Variants in GABRA2 observed in about 807,000 individuals in gnomAD.
The protein encoded by GABRA2 is gamma-aminobutyric acid type A receptor subunit alpha2, also known as gamma-aminobutyric acid receptor subunit alpha-2.
In GABRA2, 16 loss-of-function variants were observed where a neutral mutation model predicts 48.7. The ratio of observed to expected loss-of-function variants is 0.33; its 90% CI spans 0.22 to 0.50. The LOEUF (loss-of-function observed/expected upper bound fraction) is 0.50, where lower values mean the gene tolerates loss of function less well. GABRA2 is among the 20% of genes least tolerant of loss of function. The pLI is 0.98. For missense variants in GABRA2, 275 were observed against 535.6 expected (o/e 0.51, Z 4.80); for synonymous variants, 185 against 184.5 (o/e 1.00, Z -0.02).
At chr4:46,296,953 T>C (rs765326706) in intron 8 of GABRA2, among the ~76,000 whole-genome samples, 16 of 152,210 alleles carry the variant, frequency 1.1e-4, no homozygotes, top group Non-Finnish European at 7.3e-5. Context: ...GGTTGGGGAT[T>C]GGTGCATTTC....
chr4:46,375,902 A>G (rs1047356822), intron 3 of GABRA2, among the ~76,000 whole-genome samples: 1 of 152,242 alleles, frequency 6.6e-6, no homozygotes, highest in African/African-American at 2.4e-5. Context: ...TGAATGAGCT[A>G]TACTTACAGC....
chr4:46,251,606 G>T (rs1013063028), intron 9 of GABRA2, among the ~76,000 whole-genome samples: 1 of 151,110 alleles, frequency 6.6e-6, no homozygotes, highest in African/African-American at 2.4e-5. Flanking sequence ...TTTTGGTCTT[G>T]GTTTAAATGC....
intron 4 of GABRA2, among the ~76,000 whole-genome samples, chr4:46,327,612 A>G (rs111987414): frequency 1.2e-4 from 19 of 152,054 alleles, no homozygotes; most frequent in Non-Finnish European, 8.8e-5. Flanking sequence ...GATTAAGTTC[A>G]GTGTCAATTT....
At chr4:46,328,786 C>T (rs1393534623) in intron 4 of GABRA2, among the ~76,000 whole-genome samples, 2 of 152,038 alleles carry the variant, frequency 1.3e-5, no homozygotes, top group Non-Finnish European at 2.9e-5. Context: ...GTCACAGCCA[C>T]GTCTCATTGC....
intron 4 of GABRA2, among the ~76,000 whole-genome samples, chr4:46,328,414 G>A (rs1386495335): frequency 6.6e-6 from 1 of 150,872 alleles, no homozygotes; most frequent in Non-Finnish European, 1.5e-5. Context: ...ACCTGAATAA[G>A]AGAAATTAGG....
At chr4:46,329,234 G>A (rs961156203) in intron 4 of GABRA2, among the ~76,000 whole-genome samples, 2 of 151,934 alleles carry the variant, frequency 1.3e-5, no homozygotes, top group Non-Finnish European at 2.9e-5. Context: ...TGTGATACCT[G>A]ATGGATCCTA....
intron 9 of GABRA2, among the ~76,000 whole-genome samples, chr4:46,251,794 G>T (rs1714817483): frequency 6.6e-6 from 1 of 151,436 alleles, no homozygotes. Context: ...GAAGGCTGGT[G>T]CTGCTTCTGT....
chr4:46,330,050 C>T (rs890985871), intron 4 of GABRA2, among the ~76,000 whole-genome samples: 1 of 152,062 alleles, frequency 6.6e-6, no homozygotes, highest in Non-Finnish European at 1.5e-5. Context: ...TACATACTCA[C>T]TCACACGCAT....
At chr4:46,386,668 T>C (rs1717503671) in intron 2 of GABRA2, 1 of 154,008 alleles carries the variant, frequency 6.5e-6, no homozygotes, top group African/African-American at 2.4e-5. Flanking sequence ...TTCTTTTTCA[T>C]ATGTATTTTT....
rs969900126 is a variant in GABRA2 at position 46,246,136 on chromosome 4, G to A, written c.*4172C>T. ...GAATAACGACTCTTAAAATATTTGTGTGTCTACATATGTATAATTTATCTA... is the reference window on the plus strand; with the variant it reads ...GAATAACGACTCTTAAAATATTTGTATGTCTACATATGTATAATTTATCTA... On this transcript the variant is annotated 3_prime_UTR_variant, in exon 10 of 10. Coordinates refer to ENST00000381620, the MANE Select transcript of GABRA2 (RefSeq NM_000807.4). Among the ~76,000 whole-genome samples the A allele has an allele frequency of 1.3e-5, 2 of 150,814 alleles. No individual in the cohort carries two copies. Among genetic ancestry groups the A allele is most frequent in the African/African-American group, 4.8e-5 (2 of 41,250 alleles).
At chr4:46,310,411 G>C (rs1727439066) in intron 5 of GABRA2, among the ~76,000 whole-genome samples, 156 bp from the exon 6 acceptor site, 1 of 152,164 alleles carries the variant, frequency 6.6e-6, no homozygotes, top group South Asian at 2.1e-4. Context: ...ATGTTTAGGT[G>C]ATCCCTCGGA....
At chr4:46,297,411 C>T (rs1423372486) in intron 8 of GABRA2, among the ~76,000 whole-genome samples, 1 of 145,880 alleles carries the variant, frequency 6.9e-6, no homozygotes, top group Non-Finnish European at 1.5e-5. Flanking sequence ...CCTTGCTCCT[C>T]AGCTTGCAGT....
rs1027424873 is a variant in GABRA2 at position 46,244,377 on chromosome 4, G to A, written c.*5931C>T. Among the ~76,000 whole-genome samples, 1 of 151,574 alleles carries A rather than the reference G, an allele frequency of 6.6e-6. No individual in the cohort carries two copies. The highest frequency in any genetic ancestry group is 1.5e-5 in the Non-Finnish European group (1 of 67,718). ...ACTTTGTTGGAAATATTCATGTATA[G>A]CCAATAATACAGTTTATATAGCCAA... On this transcript the variant is annotated 3_prime_UTR_variant, in exon 10 of 10. Transcript: ENST00000381620.
chr4:46,293,626 C>T (rs1724088121), intron 8 of GABRA2, among the ~76,000 whole-genome samples: 1 of 152,216 alleles, frequency 6.6e-6, no homozygotes, highest in South Asian at 2.1e-4. Context: ...TTGGCACAGA[C>T]ATACTTTGCA....
chr4:46,315,326 G>A (rs918303213), intron 4 of GABRA2, among the ~76,000 whole-genome samples: 1 of 151,804 alleles, frequency 6.6e-6, no homozygotes, highest in Non-Finnish European at 1.5e-5. Context: ...ACTTTTTAAT[G>A]AGGTTGTTTG....
chr4:46,272,785 A>G (rs778548543), intron 8 of GABRA2, among the ~76,000 whole-genome samples: 1 of 152,078 alleles, frequency 6.6e-6, no homozygotes, highest in Non-Finnish European at 1.5e-5. Flanking sequence ...GGAAGGCAAG[A>G]AATAAGGGTT....
intron 8 of GABRA2, among the ~76,000 whole-genome samples, chr4:46,271,045 A>G (rs1180072846): frequency 1.3e-5 from 2 of 151,986 alleles, no homozygotes; most frequent in African/African-American, 4.8e-5. Flanking sequence ...TCACTCTGAA[A>G]GCAAAGGTAG....
intron 3 of GABRA2, among the ~76,000 whole-genome samples, chr4:46,349,530 CAT>C (rs1346917027): frequency 1.3e-5 from 2 of 151,828 alleles, no homozygotes; most frequent in Non-Finnish European, 2.9e-5. Flanking sequence ...TGCTAAAAAA[CAT>C]AGGTTTTAAG....
chr4:46,250,313 G>T lies in GABRA2; in HGVS notation c.1351C>A (p.Pro451Thr). 1 of 1,608,328 alleles carries T rather than the reference G, an allele frequency of 6.2e-7. No homozygotes were observed. The highest frequency in any genetic ancestry group is 2.2e-5 in the East Asian group (1 of 44,728). ...AAGATAACATGGGTCTCAATTCAAG[G>T]ACTGACCCCTAATACAGGTTCTCTG... The part of the protein sequence containing the change: ...LNREPVLGVS[P>T] The change falls in exon 10 of 10, where the codon CCT becomes ACT. Residue 451 changes from proline to threonine, a missense_variant. Coordinates refer to ENST00000381620, the MANE Select transcript of GABRA2 (RefSeq NM_000807.4).
Sources: gnomAD v4.1 joint callset for allele counts (sites outside exome capture counted in the v4.1 genomes callset) on GRCh38, gnomAD v4.1.1 for gene constraint, MANE v1.5 for transcripts, NCBI Gene and HGNC (gene_info 2026-07-23, HGNC 2026-07-21) for gene names.